The following DHRSX variants were observed in gnomAD, a reference collection of about 807,000 sequenced individuals.
DHRSX encodes the protein dehydrogenase/reductase X-linked.
A neutral mutation model predicts 34.0 loss-of-function variants in DHRSX; 31 were observed. The observed-to-expected ratio is 0.91, with a 90% CI of 0.69 to 1.23. DHRSX has a LOEUF of 1.23. DHRSX is among the 50% of genes most tolerant of loss of function. The pLI is 0.00. For missense variants in DHRSX, 414 were observed against 428.1 expected (o/e 0.97, Z 0.29); for synonymous variants, 201 against 183.8 (o/e 1.09, Z -0.76).
intron 1 of DHRSX, among the ~76,000 whole-genome samples, chrX:2,445,336 A>G (rs1334801294): frequency 7.2e-5 from 11 of 152,156 alleles, no homozygotes; most frequent in Admixed American, 7.2e-4. Context: ...ATTTTTATAT[A>G]AGCCCACGTC....
intron 4 of DHRSX, among the ~76,000 whole-genome samples, chrX:2,269,056 T>C (rs2041513337): frequency 6.6e-6 from 1 of 152,260 alleles, no homozygotes; most frequent in Non-Finnish European, 1.5e-5. Context: ...TGTATTTGTA[T>C]ATATATGTGT....
rs188079690 is a variant in DHRSX, at chrX:2,370,454, A to C, written c.286+38291T>G. Among the ~76,000 whole-genome samples, 9 of 152,164 alleles carry C rather than the reference A, an allele frequency of 5.9e-5. No individual in the cohort carries two copies. The East Asian group carries it at 1.7e-3, about 29-fold the overall frequency. ...CCCAAAGTGCTGGGATGACAGTCTG[A>C]GCCACCGCGCCCAGCTGAGGGCTTT... On this transcript the variant is annotated intron_variant, in intron 3 of 6. Coordinates refer to ENST00000334651, the MANE Select transcript of DHRSX (RefSeq NM_145177.3).
chrX:2,336,026 C>T (rs770379174), intron 3 of DHRSX, among the ~76,000 whole-genome samples: 4 of 151,712 alleles, frequency 2.6e-5, no homozygotes, highest in Non-Finnish European at 5.9e-5. Context: ...TTTTTGTTGT[C>T]GTTGAGACAG....
chrX:2,389,026 G>A (rs2043304449), intron 3 of DHRSX, among the ~76,000 whole-genome samples: 1 of 152,224 alleles, frequency 6.6e-6, no homozygotes, highest in South Asian at 2.1e-4. Context: ...ACAGCTGTGA[G>A]AGAATAAGTA....
rs185709594 is a variant in DHRSX, at chrX:2,423,094, C to G, written c.217+2103G>C. On this transcript the variant is annotated intron_variant, in intron 2 of 6. Coordinates refer to ENST00000334651, the MANE Select transcript of DHRSX (RefSeq NM_145177.3). ...CTGGGATTACAGGCATAAGCCACCACGCCCAGCCGCCAAAATAACTTTTTT... is the reference window on the plus strand; with the variant it reads ...CTGGGATTACAGGCATAAGCCACCAGGCCCAGCCGCCAAAATAACTTTTTT... Among the ~76,000 whole-genome samples, 219 of 151,480 alleles carry G rather than the reference C, an allele frequency of 1.4e-3. 5 individuals carry two copies. The East Asian group carries it at 0.042, about 29-fold the overall frequency.
Position 2,448,318 on chromosome X carries a change from G to A in DHRSX, c.110-23014C>T, listed in dbSNP as rs774242071. 3.3e-5 allele frequency among the ~76,000 whole-genome samples: 5 copies of A among 152,256 alleles called. No individual in the cohort carries two copies. In the East Asian group the frequency reaches 9.6e-4, roughly 29 times the overall value. ...GCTGCACTCCACCGTGGGTGATAGG[G>A]TGAGACTGTCTCAAAAAAATATAAA... On this transcript the variant is annotated intron_variant, in intron 1 of 6. Transcript: ENST00000334651.
chrX:2,243,785 CCTGTTTT>C (rs2016201165), intron 5 of DHRSX, among the ~76,000 whole-genome samples: 1 of 71,514 alleles, frequency 1.4e-5, no homozygotes, highest in African/African-American at 4.5e-5. Context: ...CACTATGCTC[CCTGTTTT>C]TTTTTTTTTT....
chrX:2,414,840 C>G (rs2043674233), intron 2 of DHRSX, among the ~76,000 whole-genome samples: 1 of 151,900 alleles, frequency 6.6e-6, no homozygotes, highest in African/African-American at 2.4e-5. Context: ...CTCATCATAG[C>G]CTAGGCCAAC....
At chrX:2,461,564 G>T (rs2044402426) in intron 1 of DHRSX, among the ~76,000 whole-genome samples, 1 of 152,148 alleles carries the variant, frequency 6.6e-6, no homozygotes, top group Non-Finnish European at 1.5e-5. Flanking sequence ...TAGAGACAGG[G>T]TGTCTCTCAC....
intron 3 of DHRSX, among the ~76,000 whole-genome samples, chrX:2,325,370 T>C (rs1336506131): frequency 1.4e-4 from 19 of 133,612 alleles, no homozygotes; most frequent in South Asian, 5.3e-4. Flanking sequence ...AAGATGGCGG[T>C]TCCATCTTCC....
chrX:2,271,069 G>C (rs1372694294), intron 4 of DHRSX, among the ~76,000 whole-genome samples: 1 of 152,186 alleles, frequency 6.6e-6, no homozygotes, highest in Non-Finnish European at 1.5e-5. Flanking sequence ...AAACTTTGTT[G>C]TTTCACTCTT....
In DHRSX at chrX:2,220,879, T is replaced by C. The variant is rs1033326763; in HGVS notation, c.*162A>G. The C allele has an allele frequency of 8.4e-6, 5 of 596,714 alleles. No individual in the cohort carries two copies. The highest frequency in any genetic ancestry group is 1.8e-5 in the African/African-American group (1 of 54,322). The allele number at this position is 596,714 out of a possible 1,614,324, so 37.0% of individuals were successfully genotyped here. On this transcript the variant is annotated 3_prime_UTR_variant, in exon 7 of 7. Transcript: ENST00000334651. Reference sequence around the variant, plus strand: ...TCCTCCAAAATGTTTATTTGGCTTCTTGAAGTTCTGCAGAGGTTGAGGCAG... The same window carrying C: ...TCCTCCAAAATGTTTATTTGGCTTCCTGAAGTTCTGCAGAGGTTGAGGCAG...
intron 3 of DHRSX, among the ~76,000 whole-genome samples, chrX:2,297,723 T>A (rs2041950563): frequency 6.6e-6 from 1 of 151,730 alleles, no homozygotes; most frequent in East Asian, 1.9e-4. Flanking sequence ...AATGCTAGGA[T>A]GACAGGAGTG....
intron 1 of DHRSX, among the ~76,000 whole-genome samples, chrX:2,439,774 G>T (rs1412767201): frequency 2.6e-5 from 4 of 152,050 alleles, no homozygotes; most frequent in Non-Finnish European, 5.9e-5. Flanking sequence ...ATGCTCCTAT[G>T]AGACTCTAAT....
At chrX:2,464,139 G>T (rs376826688) in intron 1 of DHRSX, among the ~76,000 whole-genome samples, 2 of 152,066 alleles carry the variant, frequency 1.3e-5, no homozygotes, top group African/African-American at 4.8e-5. Flanking sequence ...TGTACGCACT[G>T]AAGACGCTCC....
intron 3 of DHRSX, among the ~76,000 whole-genome samples, chrX:2,371,230 CT>C (rs1273030312): frequency 8.0e-6 from 1 of 125,064 alleles, no homozygotes; most frequent in Non-Finnish European, 2.0e-5. Flanking sequence ...ACCGTAGTCC[CT>C]CCCCATTACC....
In DHRSX at chrX:2,474,711, C is replaced by A. The variant is rs774807902; in HGVS notation, c.109+26106G>T. ...GTTCCCTAAGTGTGTGGCTAAGGGA[C>A]CTCTGCCATGTACACACTGAAGACG... On this transcript the variant is annotated intron_variant, in intron 1 of 6. Transcript: ENST00000334651. 9.4e-4 allele frequency among the ~76,000 whole-genome samples: 143 copies of A among 151,874 alleles called. 2 individuals are homozygous for A. The highest frequency in any genetic ancestry group is 1.5e-3 in the Non-Finnish European group (103 of 67,924).
At chrX:2,267,787 A>G (rs1264431906) in intron 4 of DHRSX, among the ~76,000 whole-genome samples, 2 of 152,002 alleles carry the variant, frequency 1.3e-5, no homozygotes, top group African/African-American at 4.8e-5. Flanking sequence ...CTTTACCAAA[A>G]ATACAAAAAA....
chrX:2,384,109 C>A (rs923018370), intron 3 of DHRSX, among the ~76,000 whole-genome samples: 3 of 152,076 alleles, frequency 2.0e-5, no homozygotes, highest in Non-Finnish European at 4.4e-5. Context: ...GGGAGTGATA[C>A]CGAAAATGAC....
Sources: gnomAD v4.1 joint callset for allele counts (sites outside exome capture counted in the v4.1 genomes callset) on GRCh38, gnomAD v4.1.1 for gene constraint, MANE v1.5 for transcripts, NCBI Gene and HGNC (gene_info 2026-07-23, HGNC 2026-07-21) for gene names.